IL1RAPL1: variants seen among roughly 807,000 people sequenced by gnomAD.
The protein encoded by IL1RAPL1 is interleukin-1 receptor accessory protein-like 1.
In IL1RAPL1, 3 loss-of-function variants were observed where a neutral mutation model predicts 48.4. That is an observed-to-expected ratio of 0.06 (90% CI 0.03 to 0.16). The LOEUF (loss-of-function observed/expected upper bound fraction) is 0.16, where lower values mean the gene tolerates loss of function less well. IL1RAPL1 is among the 10% of genes least tolerant of loss of function. The pLI, the probability that IL1RAPL1 is intolerant of heterozygous loss-of-function variation, is 1.00. For missense variants in IL1RAPL1, 349 were observed against 530.6 expected, an observed-to-expected ratio of 0.66 and a Z score of 3.36; for synonymous variants, 185 against 187.7, an observed-to-expected ratio of 0.99 and a Z score of 0.12.
intron 6 of IL1RAPL1, among the ~76,000 whole-genome samples, chrX:29,883,999 C>G (rs145591842): frequency 0.016 from 1,769 of 111,832 alleles, 14 homozygotes; most frequent in Middle Eastern, 0.037. Context: ...ATAACCATCC[C>G]TTTCTTTCCT....
At chrX:29,907,708 C>T (rs1932666620) in intron 6 of IL1RAPL1, among the ~76,000 whole-genome samples, 1 of 111,966 alleles carries the variant, frequency 8.9e-6, no homozygotes, top group Non-Finnish European at 1.9e-5. Context: ...ATCATCATTA[C>T]ACTTCTTTAG....
At chrX:28,812,880 G>A (rs1037525446) in intron 2 of IL1RAPL1, among the ~76,000 whole-genome samples, 5 of 110,257 alleles carry the variant, frequency 4.5e-5, no homozygotes, top group Non-Finnish European at 7.6e-5. Flanking sequence ...ACATTACCCA[G>A]TTTCATTTTC....
At chrX:29,514,878 GAGCTT>G (rs1266309780) in intron 5 of IL1RAPL1, among the ~76,000 whole-genome samples, 1 of 112,378 alleles carries the variant, frequency 8.9e-6, no homozygotes, top group African/African-American at 3.2e-5. Flanking sequence ...TCAAGTTGTT[GAGCTT>G]AACTGAACTT....
chrX:29,285,687 T>C (rs1258885386), intron 3 of IL1RAPL1, among the ~76,000 whole-genome samples: 3 of 111,346 alleles, frequency 2.7e-5, no homozygotes, highest in Non-Finnish European at 5.7e-5. Flanking sequence ...TTAAAGTTTA[T>C]GTGTGTCAAG....
At chrX:29,680,268 G>T (rs139480802) in intron 6 of IL1RAPL1, among the ~76,000 whole-genome samples, 2,374 of 111,421 alleles carry the variant, frequency 0.021, 60 homozygotes, top group African/African-American at 0.074. Context: ...TTGTATAGGG[G>T]TGGAGAGTGG....
chrX:28,817,242 C>T (rs1161885192), intron 2 of IL1RAPL1, among the ~76,000 whole-genome samples: 1 of 110,237 alleles, frequency 9.1e-6, no homozygotes, highest in Non-Finnish European at 1.9e-5. Flanking sequence ...ATAAGGAAGA[C>T]ACAGGAAAAA....
intron 1 of IL1RAPL1, among the ~76,000 whole-genome samples, chrX:28,744,897 G>T: frequency 9.0e-6 from 1 of 111,101 alleles, no homozygotes; most frequent in Non-Finnish European, 1.9e-5. Context: ...ATTCTAGTTA[G>T]TATAAGCGCA....
intron 6 of IL1RAPL1, among the ~76,000 whole-genome samples, chrX:29,916,991 C>A (rs890027505): frequency 8.0e-5 from 9 of 111,982 alleles, no homozygotes; most frequent in Non-Finnish European, 1.5e-4. Context: ...TAGGATCTTG[C>A]GTTTATGGTT....
chrX:29,241,208 T>C (rs1035749600), intron 2 of IL1RAPL1, among the ~76,000 whole-genome samples: 2 of 111,612 alleles, frequency 1.8e-5, no homozygotes, highest in African/African-American at 6.5e-5. Context: ...AAATATACTA[T>C]ATAGTGAATG....
chrX:29,810,237 C>T (rs1330955402), intron 6 of IL1RAPL1, among the ~76,000 whole-genome samples: 1 of 110,391 alleles, frequency 9.1e-6, no homozygotes, highest in Admixed American at 9.7e-5. Flanking sequence ...GTCACCCAGG[C>T]TGGAGTGCAG....
At chrX:29,209,600 A>G (rs1461490388) in intron 2 of IL1RAPL1, among the ~76,000 whole-genome samples, 1 of 112,089 alleles carries the variant, frequency 8.9e-6, no homozygotes, top group Non-Finnish European at 1.9e-5. Flanking sequence ...CATATCTGCA[A>G]TGAAGCCCAT....
At chrX:28,867,506 T>C (rs1225266358) in intron 2 of IL1RAPL1, among the ~76,000 whole-genome samples, 1 of 112,164 alleles carries the variant, frequency 8.9e-6, no homozygotes, top group Non-Finnish European at 1.9e-5. Context: ...ATGTGTATCT[T>C]GTCTAAGCCT....
At chrX:29,582,395 T>C (rs1345224255) in intron 5 of IL1RAPL1, among the ~76,000 whole-genome samples, 4 of 105,450 alleles carry the variant, frequency 3.8e-5, no homozygotes, top group African/African-American at 1.4e-4. Flanking sequence ...TTTTATTTTT[T>C]ATTTTTTTTT....
chrX:29,228,520 A>G (rs1931133639), intron 2 of IL1RAPL1, among the ~76,000 whole-genome samples: 1 of 108,096 alleles, frequency 9.3e-6, no homozygotes, highest in Admixed American at 9.9e-5. Flanking sequence ...ACACCTGGCT[A>G]ATTTTTGTAT....
At chrX:29,872,111 G>A (rs141226694) in intron 6 of IL1RAPL1, among the ~76,000 whole-genome samples, 1,719 of 111,854 alleles carry the variant, frequency 0.015, 31 homozygotes, top group African/African-American at 0.052. Context: ...TCTGCAAGAA[G>A]AAGAATACAT....
At chrX:29,771,110 T>G (rs1929055577) in intron 6 of IL1RAPL1, among the ~76,000 whole-genome samples, 1 of 112,245 alleles carries the variant, frequency 8.9e-6, no homozygotes, top group Admixed American at 9.5e-5. Flanking sequence ...GAGTGTCACC[T>G]CTGAGTTTGA....
intron 2 of IL1RAPL1, among the ~76,000 whole-genome samples, chrX:28,841,060 G>GT (rs1921358545): frequency 9.0e-6 from 1 of 110,861 alleles, no homozygotes; most frequent in South Asian, 3.7e-4. Flanking sequence ...ATGAAAAATA[G>GT]TGTCAATGTT....
chrX:28,831,026 C>CTCTGTGTGTGTGTGTG (rs1438889606), intron 2 of IL1RAPL1, among the ~76,000 whole-genome samples: 1 of 33,644 alleles, frequency 3.0e-5, no homozygotes. Context: ...CTCTCTCTCT[C>CTCTGTGTGTGTGTGTG]TGTGTGTGTG....
chrX:29,492,345 T>A (rs1387355463), intron 5 of IL1RAPL1, among the ~76,000 whole-genome samples: 1 of 112,373 alleles, frequency 8.9e-6, no homozygotes, highest in Admixed American at 9.4e-5. Flanking sequence ...CAACAAACAG[T>A]GGCTTAAACT....
Sources: gnomAD v4.1 joint callset for allele counts (sites outside exome capture counted in the v4.1 genomes callset) on GRCh38, gnomAD v4.1.1 for gene constraint, MANE v1.5 for transcripts, NCBI Gene and HGNC (gene_info 2026-07-23, HGNC 2026-07-21) for gene names.